Variants in ACSL5 observed in about 807,000 individuals in gnomAD.
ACSL5 encodes the protein long-chain-fatty-acid--CoA ligase 5.
A neutral mutation model predicts 84.9 loss-of-function variants in ACSL5; 50 were observed. The ratio of observed to expected loss-of-function variants is 0.59; its 90% CI spans 0.47 to 0.75. ACSL5 has a LOEUF of 0.75. Among genes scored for constraint, ACSL5 ranks in the 30% least tolerant of loss-of-function variants. ACSL5 has a pLI of 0.00. For missense variants in ACSL5, 775 were observed against 830.4 expected (o/e 0.93, Z 0.82); for synonymous variants, 280 against 300.7 (o/e 0.93, Z 0.71).
At chr10:112,386,441 G>A (rs112692861) in intron 1 of ACSL5, among the ~76,000 whole-genome samples, 16 of 151,950 alleles carry the variant, frequency 1.1e-4, no homozygotes, top group Admixed American at 7.2e-4. Context: ...TGACCCGCCC[G>A]CCTCGGCCTT....
intron 2 of ACSL5, among the ~76,000 whole-genome samples, chr10:112,397,290 C>G (rs993663855): frequency 2.0e-5 from 3 of 151,922 alleles, no homozygotes; most frequent in Non-Finnish European, 2.9e-5. Flanking sequence ...CTGCCTCAGC[C>G]TCTCGAGTAG....
chr10:112,399,375 T>C (rs1843822115), intron 3 of ACSL5, among the ~76,000 whole-genome samples: 1 of 152,192 alleles, frequency 6.6e-6, no homozygotes, highest in Non-Finnish European at 1.5e-5. Flanking sequence ...CTCATATTTG[T>C]TTAGAAACAT....
rs1055850933 is a variant in ACSL5, at chr10:112,413,286, C to G, written c.1062C>G (p.Leu354=). The G allele has an allele frequency of 1.2e-6, 2 of 1,614,042 alleles. No individual in the cohort carries two copies. Among genetic ancestry groups the G allele is most frequent in the Admixed American group, 1.7e-5 (1 of 59,994 alleles). The part of the protein sequence containing the change: ...KPTLFPAVPR[L]LNRIYDKVQN... Reference sequence around the variant, plus strand: ...CATTGTTTCCCGCGGTGCCTCGACTCCTTAACAGGATCTACGATAAGGTAC... The same window carrying G: ...CATTGTTTCCCGCGGTGCCTCGACTGCTTAACAGGATCTACGATAAGGTAC... Residue 354 remains leucine (L), a synonymous_variant, in exon 12 of 21, where the codon CTC becomes CTG. Transcript: ENST00000354655.
At position 112,426,332 on chromosome 10, in the gene ACSL5, C is replaced by A; in HGVS notation, c.1812C>A (p.Gly604=). The A allele has an allele frequency of 6.2e-7, 1 of 1,614,082 alleles. No individual in the cohort carries two copies. The highest frequency in any genetic ancestry group is 8.5e-7 in the Non-Finnish European group (1 of 1,180,004). ...TTGCAGCCAAGCTTGGGGTGAAGGG[C>A]TCCTTTGAGGAACTGTGCCAAAACC... The part of the protein sequence containing the change: ...PSFAAKLGVK[G]SFEELCQNQV... Residue 604 remains glycine (G), a synonymous_variant, in exon 19 of 21, where the codon GGC becomes GGA. Coordinates refer to ENST00000354655, the MANE Select transcript of ACSL5 (RefSeq NM_203379.2).
At chr10:112,398,408 C>CTTT (rs1396651572) in intron 2 of ACSL5, among the ~76,000 whole-genome samples, 6 of 144,986 alleles carry the variant, frequency 4.1e-5, no homozygotes, top group Admixed American at 1.4e-4. Context: ...TTTGTATTTT[C>CTTT]TTTTTTTTTT....
chr10:112,426,530 A>T (rs1362298730), intron 19 of ACSL5, 171 bp downstream of exon 19: 4 of 628,262 alleles, frequency 6.4e-6, no homozygotes, highest in South Asian at 2.1e-5. Flanking sequence ...TCTCTTTTCT[A>T]TTTAAAATAA....
At chr10:112,409,349 G>A in intron 6 of ACSL5, 158 bp from the exon 7 acceptor site, 1 of 606,170 alleles carries the variant, frequency 1.6e-6, no homozygotes, top group South Asian at 2.2e-5. Context: ...ATCATCAATG[G>A]AATGTTTCAG....
In ACSL5 at chr10:112,413,261, C is replaced by T; in HGVS notation, c.1037C>T (p.Thr346Ile). The change falls in exon 12 of 21, where the codon ACA becomes ATA. Residue 346 changes from threonine to isoleucine, a missense_variant. Transcript: ENST00000354655. The part of the protein sequence containing the change: ...LADDMKTLKP[T>I]LFPAVPRLLN... ...GACGACATGAAGACTTTGAAGCCCA[C>T]ATTGTTTCCCGCGGTGCCTCGACTC... The T allele has an allele frequency of 6.2e-7, 1 of 1,614,190 alleles. No individual in the cohort carries two copies. Among genetic ancestry groups the T allele is most frequent in the Non-Finnish European group, 8.5e-7 (1 of 1,180,018 alleles).
intron 16 of ACSL5, 100 bp from the exon 17 acceptor site, chr10:112,422,225 A>AG: frequency 8.8e-7 from 1 of 1,132,264 alleles, no homozygotes; most frequent in Non-Finnish European, 1.3e-6. Context: ...GTGTAGTGGA[A>AG]GCCATCAAAT....
chr10:112,383,983 C>T (rs1849401068), intron 1 of ACSL5, among the ~76,000 whole-genome samples: 1 of 152,020 alleles, frequency 6.6e-6, no homozygotes, highest in Non-Finnish European at 1.5e-5. Flanking sequence ...CACTTGAGAC[C>T]AGGAGCTCAA....
chr10:112,413,992 G>A (rs183980001), intron 12 of ACSL5, among the ~76,000 whole-genome samples: 1 of 152,054 alleles, frequency 6.6e-6, no homozygotes, highest in Non-Finnish European at 1.5e-5. Context: ...TTATGATGAG[G>A]AAAATGAGCC....
intron 3 of ACSL5, among the ~76,000 whole-genome samples, chr10:112,400,108 G>C (rs1843844228): frequency 6.6e-6 from 1 of 152,164 alleles, no homozygotes; most frequent in South Asian, 2.1e-4. Flanking sequence ...TTTACTTATA[G>C]ACTTCATGCA....
At chr10:112,400,737 A>G (rs535312288) in intron 3 of ACSL5, among the ~76,000 whole-genome samples, 2 of 152,004 alleles carry the variant, frequency 1.3e-5, no homozygotes, top group South Asian at 2.1e-4. Context: ...AATTTTTTGT[A>G]GAGACAAGGT....
intron 1 of ACSL5, among the ~76,000 whole-genome samples, chr10:112,379,023 C>A (rs929934048): frequency 2.6e-5 from 4 of 152,126 alleles, no homozygotes; most frequent in Admixed American, 2.6e-4. Flanking sequence ...GCGAGTGGCT[C>A]AAGTTGAGGA....
rs116585586 is a variant in ACSL5, at chr10:112,391,043, G to A, written c.-29-3875G>A. On this transcript the variant is annotated intron_variant, in intron 1 of 20. Coordinates refer to ENST00000354655, the MANE Select transcript of ACSL5 (RefSeq NM_203379.2). ...ACTGCCCGATTGTACATTTTAAAGTGGTTAATTCTACATTATGTAAATTGT... is the reference window on the plus strand; with the variant it reads ...ACTGCCCGATTGTACATTTTAAAGTAGTTAATTCTACATTATGTAAATTGT... Among the ~76,000 whole-genome samples the A allele has an allele frequency of 9.0e-3, 1,372 of 152,240 alleles. 12 individuals carry two copies. The highest frequency in any genetic ancestry group is 0.031 in the African/African-American group (1,288 of 41,540).
intron 14 of ACSL5, among the ~76,000 whole-genome samples, chr10:112,418,539 G>T (rs532013859): frequency 6.6e-6 from 1 of 151,782 alleles, no homozygotes; most frequent in African/African-American, 2.4e-5. Context: ...CTGAGATTGC[G>T]CCACTGCACT....
intron 5 of ACSL5, among the ~76,000 whole-genome samples, chr10:112,408,153 G>T (rs1010862546): frequency 6.6e-6 from 1 of 151,956 alleles, no homozygotes. Flanking sequence ...ACAAAAATTA[G>T]CTTGACATAG....
At chr10:112,420,354 C>G (rs1844428367) in intron 14 of ACSL5, among the ~76,000 whole-genome samples, 1 of 152,180 alleles carries the variant, frequency 6.6e-6, no homozygotes, top group Non-Finnish European at 1.5e-5. Context: ...CTGGCTAAAA[C>G]TAGTCTGCAG....
chr10:112,393,597 A>G (rs1843685814), intron 1 of ACSL5, among the ~76,000 whole-genome samples: 1 of 152,190 alleles, frequency 6.6e-6, no homozygotes, highest in African/African-American at 2.4e-5. Flanking sequence ...CCAACTTTTA[A>G]TTGAGCTTGC....
Sources: allele counts gnomAD v4.1 joint callset (sites outside exome capture counted in the v4.1 genomes callset), GRCh38; gene constraint gnomAD v4.1.1; transcripts MANE v1.5; gene names NCBI Gene and HGNC (gene_info 2026-07-23, HGNC 2026-07-21).